Variants in ZNF362 observed in about 807,000 individuals in gnomAD.
ZNF362 encodes rotund homolog.
A neutral mutation model predicts 42.9 loss-of-function variants in ZNF362; 11 were observed. The ratio of observed to expected loss-of-function variants is 0.26; its 90% CI spans 0.16 to 0.42. The LOEUF is 0.42. Ranked by LOEUF, ZNF362 falls within the 20% of genes least tolerant of loss-of-function variation. The probability of loss-of-function intolerance (pLI) is 1.00; values close to 1 mark genes in which losing one functional copy is unlikely to be tolerated. For synonymous variants in ZNF362, 255 were observed against 257.3 expected, an observed-to-expected ratio of 0.99 and a Z score of 0.09; for missense variants, 362 against 576.2, an observed-to-expected ratio of 0.63 and a Z score of 3.81.
chr1:33,256,002 C>T (rs1645785992), upstream of ZNF362, among the ~76,000 whole-genome samples: 1 of 151,626 alleles, frequency 6.6e-6, no homozygotes, highest in Non-Finnish European at 1.5e-5. Flanking sequence ...ACAATGGCCA[C>T]GGCCGCCGGG....
At chr1:33,273,400 C>T (rs1411955863) in intron 2 of ZNF362, among the ~76,000 whole-genome samples, 1 of 152,208 alleles carries the variant, frequency 6.6e-6, no homozygotes, top group Non-Finnish European at 1.5e-5. Flanking sequence ...TGATAAGTGG[C>T]AGGATGTTCT....
At chr1:33,220,881 G>A in the ZNF362 span, among the ~76,000 whole-genome samples, 1 of 152,186 alleles carries the variant, frequency 6.6e-6, no homozygotes, top group African/African-American at 2.4e-5. Flanking sequence ...ACGAATTCTG[G>A]GCAAGTTCTT....
intron 4 of ZNF362, 71 bp downstream of exon 4, chr1:33,276,665 T>C (rs1379636265): frequency 7.8e-7 from 1 of 1,288,658 alleles, no homozygotes; most frequent in Admixed American, 4.3e-5. Context: ...AGCGGGGGAC[T>C]TGGTGAGGAT....
At chr1:33,289,705 A>C (rs1646061804) in intron 6 of ZNF362, among the ~76,000 whole-genome samples, 2 of 152,210 alleles carry the variant, frequency 1.3e-5, no homozygotes, top group Admixed American at 1.3e-4. Context: ...TCCTTCATTC[A>C]GTCTGTGTCT....
chr1:33,147,384 A>C, the ZNF362 span: 1 of 1,614,132 alleles, frequency 6.2e-7, no homozygotes, highest in Non-Finnish European at 8.5e-7. The surrounding 1 kb of genome is among the most constrained non-coding windows in gnomAD (Gnocchi z 8.1). Context: ...CCCGGACGTT[A>C]AGCCGCGTCC....
intron 2 of ZNF362, among the ~76,000 whole-genome samples, chr1:33,272,085 G>A (rs1237353899): frequency 6.6e-6 from 1 of 152,184 alleles, no homozygotes; most frequent in African/African-American, 2.4e-5. Context: ...AATTGGTGGG[G>A]AAGAGAGGCT....
At chr1:33,157,413 G>A in the ZNF362 span, among the ~76,000 whole-genome samples, 1 of 151,976 alleles carries the variant, frequency 6.6e-6, no homozygotes, top group African/African-American at 2.4e-5. Flanking sequence ...TGACTCTAAT[G>A]CTTCCTTCTC....
At chr1:33,165,604 A>G in the ZNF362 span, 2 of 1,548,064 alleles carry the variant, frequency 1.3e-6, no homozygotes, top group Non-Finnish European at 1.8e-6. This position sits in a 1 kb window ranked among gnomAD's most constrained non-coding sequence, Gnocchi z 4.0. Flanking sequence ...GGCAGGGGCC[A>G]TGCCTGGCCC....
the ZNF362 span, among the ~76,000 whole-genome samples, chr1:33,226,936 A>G: frequency 6.6e-6 from 1 of 152,130 alleles, no homozygotes; most frequent in Non-Finnish European, 1.5e-5. Context: ...AAAACCACAT[A>G]CTATATGGTT....
At chr1:33,160,125 G>A in the ZNF362 span, among the ~76,000 whole-genome samples, 2 of 152,272 alleles carry the variant, frequency 1.3e-5, no homozygotes, top group African/African-American at 4.8e-5. Flanking sequence ...GTTCTATGTG[G>A]TCCATTAAAT....
the ZNF362 span, among the ~76,000 whole-genome samples, chr1:33,218,970 CACACACACACAT>C: frequency 2.2e-4 from 33 of 148,822 alleles, no homozygotes; most frequent in Non-Finnish European, 4.5e-4. Flanking sequence ...CACACACACA[CACACACACACAT>C]ACACCACCCC....
At chr1:33,268,103 G>A (rs1360730283) in intron 1 of ZNF362, among the ~76,000 whole-genome samples, 4 of 152,220 alleles carry the variant, frequency 2.6e-5, no homozygotes, top group African/African-American at 7.2e-5. Context: ...ACCATTTTCT[G>A]TGTTTATTAG....
the ZNF362 span, among the ~76,000 whole-genome samples, chr1:33,187,799 G>A: frequency 6.6e-6 from 1 of 152,168 alleles, no homozygotes; most frequent in African/African-American, 2.4e-5. Flanking sequence ...TAAAGCTTTG[G>A]CAATAGAAAG....
upstream of ZNF362, among the ~76,000 whole-genome samples, chr1:33,255,899 G>C (rs1339135219): frequency 6.6e-6 from 1 of 151,994 alleles, no homozygotes; most frequent in African/African-American, 2.4e-5. Flanking sequence ...GCGCGGGCTC[G>C]GCCTGGTCAG....
the ZNF362 span, among the ~76,000 whole-genome samples, chr1:33,243,216 C>T: frequency 1.7e-4 from 26 of 150,828 alleles, no homozygotes; most frequent in African/African-American, 4.9e-4. Context: ...AGTGCAGTGG[C>T]GCTATCTTGG....
chr1:33,145,431 T>C, the ZNF362 span: 3 of 163,014 alleles, frequency 1.8e-5, no homozygotes, highest in African/African-American at 7.2e-5. Flanking sequence ...TTAATACAAA[T>C]TGATCATAAC....
At chr1:33,169,243 T>G in the ZNF362 span, among the ~76,000 whole-genome samples, 1 of 152,174 alleles carries the variant, frequency 6.6e-6, no homozygotes, top group African/African-American at 2.4e-5. Context: ...CTCCCCATAT[T>G]CCCCATCTCA....
At chr1:33,211,536 CT>C in the ZNF362 span, among the ~76,000 whole-genome samples, 2 of 152,110 alleles carry the variant, frequency 1.3e-5, no homozygotes, top group South Asian at 2.1e-4. Context: ...GTTGAAAATT[CT>C]TTTCTTTAAG....
the ZNF362 span, among the ~76,000 whole-genome samples, chr1:33,186,090 A>G: frequency 6.6e-6 from 1 of 152,118 alleles, no homozygotes; most frequent in Non-Finnish European, 1.5e-5. Context: ...GTAACCTTCA[A>G]ATCAATACTT....
Sources: gnomAD v4.1 joint callset for allele counts (sites outside exome capture counted in the v4.1 genomes callset) on GRCh38, gnomAD v4.1.1 for gene constraint, Gnocchi (gnomAD v3.1) non-coding constraint, MANE v1.5 for transcripts, NCBI Gene and HGNC (gene_info 2026-07-23, HGNC 2026-07-21) for gene names.